STRN4: variants seen among roughly 807,000 people sequenced by gnomAD.
The protein encoded by STRN4 is striatin-4.
A neutral mutation model predicts 77.9 loss-of-function variants in STRN4; 27 were observed. That is an observed-to-expected ratio of 0.35 (90% CI 0.26 to 0.48). STRN4 has a LOEUF of 0.48. Ranked by LOEUF, STRN4 falls within the 20% of genes least tolerant of loss-of-function variation. STRN4 has a pLI of 0.99. For missense variants in STRN4, 798 were observed against 1,049.7 expected, an observed-to-expected ratio of 0.76 and a Z score of 3.31; for synonymous variants, 466 against 443.1, an observed-to-expected ratio of 1.05 and a Z score of -0.65.
chr19:46,722,962 G>A lies in STRN4; in HGVS notation c.1766-12C>T, dbSNP rs759681134. ...GGGGACCCCGTGCTCTGAGGGCACA[G>A]GGAAGAGAAGGCTGCTGAATGGACC... On this transcript the variant is annotated splice_polypyrimidine_tract_variant and intron_variant, in intron 13 of 17. Transcript: ENST00000263280. 1.2e-5 allele frequency: 20 copies of A among 1,613,292 alleles called. No individual in the cohort carries two copies. Among genetic ancestry groups the A allele is most frequent in the Non-Finnish European group, 1.6e-5 (19 of 1,179,854 alleles).
chr19:46,746,058 A>T, intron 1 of STRN4, 91 bp downstream of exon 1: 1 of 696,508 alleles, frequency 1.4e-6, no homozygotes, highest in Non-Finnish European at 1.9e-6. Context: ...CCCGGCGGCC[A>T]TTGCTCCAAG....
At position 46,725,545 on chromosome 19, in the gene STRN4, G is replaced by A. The variant is rs549717754; in HGVS notation, c.1352C>T (p.Ser451Leu). 2.8e-5 allele frequency: 45 copies of A among 1,614,052 alleles called. 1 individual carries two copies. Among genetic ancestry groups the A allele is most frequent in the Admixed American group, 1.2e-4 (7 of 60,000 alleles). ...IRSLAFHHSQSALLTASEDGT... is the reference protein window; with the variant it reads ...IRSLAFHHSQLALLTASEDGT... ...GTCCTCGGAGGCGGTGAGCAGAGCC[G>A]ACTGGCTGTGGTGGAAGGCCAGGGA... The change falls in exon 10 of 18, where the codon TCG becomes TTG. Residue 451 changes from serine to leucine, a missense_variant. Ser to Leu is a moderately radical substitution (Grantham distance 145). Transcript: ENST00000263280.
At chr19:46,736,253 G>A (rs1230899796) in intron 4 of STRN4, 1 of 152,002 alleles carries the variant, frequency 6.6e-6, no homozygotes, top group Non-Finnish European at 1.5e-5. Context: ...CTGCAGCCTG[G>A]GCAACGGAGC....
rs575259774 is a variant in STRN4 at position 46,728,870 on chromosome 19, G to A, written c.880-93C>T. 1.4e-4 allele frequency: 211 copies of A among 1,536,994 alleles called. 2 individuals are homozygous for A. The African/African-American group carries it at 2.3e-3, about 17-fold the overall frequency. The stretch of plus-strand genomic sequence containing the variant: ...TAGGAACAGGTAAGCCGGGGCTCTG[G>A]GCCCGTTTCTGTTCATGGGGCTGCC... On this transcript the variant is annotated intron_variant, in intron 6 of 17. Transcript: ENST00000263280.
Position 46,740,546 on chromosome 19 carries a change from G to C in STRN4, c.283-1658C>G, listed in dbSNP as rs527518814. 5.9e-5 allele frequency among the ~76,000 whole-genome samples: 9 copies of C among 151,708 alleles called. No individual in the cohort carries two copies. In the South Asian group the frequency reaches 1.5e-3, roughly 25 times the overall value. On this transcript the variant is annotated intron_variant, in intron 1 of 17. Transcript: ENST00000263280. Reference sequence around the variant, plus strand: ...GAGAAGGTGTGAGGAGAGGCAGACCGACCACCGAAGACAAGTCCTGACTTT... The same window carrying C: ...GAGAAGGTGTGAGGAGAGGCAGACCCACCACCGAAGACAAGTCCTGACTTT...
At chr19:46,722,170 G>C in intron 15 of STRN4, 72 bp downstream of exon 15, 2 of 1,596,826 alleles carry the variant, frequency 1.3e-6, no homozygotes, top group Non-Finnish European at 1.7e-6. Flanking sequence ...GCCTCCCACA[G>C]GGACGCAAGC....
intron 6 of STRN4, among the ~76,000 whole-genome samples, chr19:46,729,432 G>A (rs936090779): frequency 7.2e-5 from 11 of 152,204 alleles, no homozygotes; most frequent in African/African-American, 2.7e-4. Context: ...CAGCCCCCCA[G>A]GCTGAGTTTG....
chr19:46,743,142 A>G (rs546102672), intron 1 of STRN4, among the ~76,000 whole-genome samples: 129 of 152,226 alleles, frequency 8.5e-4, no homozygotes, highest in Non-Finnish European at 1.7e-3. Flanking sequence ...GCAGTAGTTC[A>G]TCTATTACAT....
chr19:46,743,615 G>A (rs1471214803), intron 1 of STRN4, among the ~76,000 whole-genome samples: 4 of 152,072 alleles, frequency 2.6e-5, no homozygotes, highest in Non-Finnish European at 4.4e-5. Flanking sequence ...AAAGTCTACC[G>A]ACGGTCGGGC....
intron 3 of STRN4, among the ~76,000 whole-genome samples, chr19:46,737,809 C>A (rs2054398796): frequency 6.6e-6 from 1 of 152,136 alleles, no homozygotes; most frequent in South Asian, 2.1e-4. Context: ...TGAACGGCAA[C>A]CCTGTTCAAA....
At chr19:46,730,319 G>C (rs1364405212) in intron 6 of STRN4, among the ~76,000 whole-genome samples, 2 of 152,192 alleles carry the variant, frequency 1.3e-5, no homozygotes, top group African/African-American at 4.8e-5. Context: ...ATACAGACCA[G>C]ACAGGGAGGA....
In STRN4 at chr19:46,727,969, G is replaced by T; in HGVS notation, c.1078C>A (p.Leu360Met). The T allele has an allele frequency of 6.2e-7, 1 of 1,614,020 alleles. No homozygotes were observed. Among genetic ancestry groups the T allele is most frequent in the Non-Finnish European group, 8.5e-7 (1 of 1,179,946 alleles). Residue 360 changes from leucine to methionine, a missense_variant, in exon 8 of 18, where the codon CTG becomes ATG. Leu to Met is a conservative substitution (Grantham distance 15). Coordinates refer to ENST00000263280, the MANE Select transcript of STRN4 (RefSeq NM_013403.3). ...RVKLQGILAD[L>M]RDVDGLPPKV... Reference sequence around the variant, plus strand: ...GGGGGCAGCCCATCCACATCCCGCAGGTCAGCCAGAATGCCTTGGAGTTTG... The same window carrying T: ...GGGGGCAGCCCATCCACATCCCGCATGTCAGCCAGAATGCCTTGGAGTTTG...
intron 4 of STRN4, 107 bp downstream of exon 4, chr19:46,736,716 A>G: frequency 8.6e-7 from 1 of 1,164,714 alleles, no homozygotes; most frequent in Non-Finnish European, 1.2e-6. Context: ...AGATCCTGAT[A>G]GTTCAGCATC....
At chr19:46,728,379 C>G in intron 7 of STRN4, 1 of 611,528 alleles carries the variant, frequency 1.6e-6, no homozygotes, top group East Asian at 2.9e-5. Flanking sequence ...GGAGGGCTGG[C>G]GGCCCCACTT....
chr19:46,738,512 G>T lies in STRN4; in HGVS notation c.386+273C>A, dbSNP rs2054413456. Among the ~76,000 whole-genome samples the T allele has an allele frequency of 6.6e-6, 1 of 152,172 alleles. No individual in the cohort carries two copies. Among genetic ancestry groups the T allele is most frequent in the Non-Finnish European group, 1.5e-5 (1 of 68,036 alleles). On this transcript the variant is annotated intron_variant, in intron 2 of 17. Transcript: ENST00000263280. This position sits in a 1 kb window ranked among gnomAD's most constrained non-coding sequence, Gnocchi z 4.5. Reference sequence around the variant, plus strand: ...AAACAGGGCTAACAATACCCGTTAGGCTATTGGAAGGTATAAGGGATAACG... The same window carrying T: ...AAACAGGGCTAACAATACCCGTTAGTCTATTGGAAGGTATAAGGGATAACG...
In STRN4 at chr19:46,738,276, G is replaced by C. The variant is rs183338874; in HGVS notation, c.387-39C>G. 6.4e-5 allele frequency: 101 copies of C among 1,575,876 alleles called. No homozygotes were observed. In the African/African-American group the frequency reaches 1.2e-3, roughly 19 times the overall value. On this transcript the variant is annotated intron_variant, in intron 2 of 17. Coordinates refer to ENST00000263280, the MANE Select transcript of STRN4 (RefSeq NM_013403.3). This position sits in a 1 kb window ranked among gnomAD's most constrained non-coding sequence, Gnocchi z 4.5. Reference sequence around the variant, plus strand: ...TGATTAATGAATAAGAGATGCGGGAGAGTAGACAGGGTCAGTAGTTACCTA... The same window carrying C: ...TGATTAATGAATAAGAGATGCGGGACAGTAGACAGGGTCAGTAGTTACCTA...
chr19:46,738,377 C>T lies in STRN4; in HGVS notation c.387-140G>A, dbSNP rs368153405. The T allele has an allele frequency of 4.7e-6, 4 of 844,980 alleles. No homozygotes were observed. Among genetic ancestry groups the T allele is most frequent in the South Asian group, 1.5e-5 (1 of 68,176 alleles). The allele number at this position is 844,980 out of a possible 1,614,324, so 52.3% of individuals were successfully genotyped here. ...TACTACTGAGGCTGAAGCATCCCCC[C>T]ACACCCCTGGCCTGGTGGAAGAAAC... On this transcript the variant is annotated intron_variant, in intron 2 of 17. Coordinates refer to ENST00000263280, the MANE Select transcript of STRN4 (RefSeq NM_013403.3). The surrounding 1 kb of genome is among the most constrained non-coding windows in gnomAD (Gnocchi z 4.5).
chr19:46,721,029 C>G (rs1219328826), intron 16 of STRN4: 1 of 378,832 alleles, frequency 2.6e-6, no homozygotes, highest in Non-Finnish European at 4.7e-6. Context: ...GGGCAGTGAA[C>G]AAAACAGGCA....
At position 46,733,436 on chromosome 19, in the gene STRN4, T is replaced by C; in HGVS notation, c.540-200A>G. ...GCCCTTGTACACACACACAATGCTA[T>C]GTGTGAGGGTGCTCCCTGCACTGCT... On this transcript the variant is annotated intron_variant, in intron 4 of 17. Transcript: ENST00000263280. This position sits in a 1 kb window ranked among gnomAD's most constrained non-coding sequence, Gnocchi z 4.3. The C allele has an allele frequency of 3.4e-6, 2 of 588,542 alleles. No individual in the cohort carries two copies. Among genetic ancestry groups the C allele is most frequent in the Non-Finnish European group, 3.0e-6 (1 of 329,624 alleles). 36.5% of individuals were successfully genotyped at this position (588,542 alleles called of 1,614,324 possible). A position where few individuals can be genotyped will look rare whatever the true frequency, so the allele number is the denominator to read the frequency against.
Sources: gnomAD v4.1 joint callset for allele counts (sites outside exome capture counted in the v4.1 genomes callset) on GRCh38, gnomAD v4.1.1 for gene constraint, Gnocchi (gnomAD v3.1) non-coding constraint, MANE v1.5 for transcripts, NCBI Gene and HGNC (gene_info 2026-07-23, HGNC 2026-07-21) for gene names.